Variants in ANK1 observed in about 807,000 individuals in gnomAD.
ANK1 encodes ankyrin-1.
ANK1 carries 51 observed loss-of-function variants against 210.4 expected under a neutral mutation model. The ratio of observed to expected loss-of-function variants is 0.24; its 90% CI spans 0.19 to 0.31. The LOEUF (loss-of-function observed/expected upper bound fraction) is 0.31. Ranked by LOEUF, ANK1 falls within the 10% of genes least tolerant of loss-of-function variation. The probability of loss-of-function intolerance (pLI) is 1.00; values close to 1 mark genes in which losing one functional copy is unlikely to be tolerated. For missense variants in ANK1, 2,051 were observed against 2,504.4 expected (o/e 0.82, Z 3.86); for synonymous variants, 967 against 1,025.9 (o/e 0.94, Z 1.10).
rs532328318 is a variant in ANK1 at position 41,885,236 on chromosome 8, T to C, written c.126+11119A>G. Reference sequence around the variant, plus strand: ...GGTGATGGTGCTCGGTACAGAATCATAAAGTTTTTCCGTCTGTGTCTTGTA... The same window carrying C: ...GGTGATGGTGCTCGGTACAGAATCACAAAGTTTTTCCGTCTGTGTCTTGTA... On this transcript the variant is annotated intron_variant, in intron 1 of 42. Coordinates refer to the ANK1 transcript ENST00000265709. Among the ~76,000 whole-genome samples, 107 of 152,242 alleles carry C rather than the reference T, an allele frequency of 7.0e-4. 4 individuals are homozygous for C. The highest frequency in any genetic ancestry group is 4.4e-3 in the South Asian group (21 of 4,812).
chr8:41,868,125 C>T (rs925281925), intron 1 of ANK1, among the ~76,000 whole-genome samples: 1 of 152,238 alleles, frequency 6.6e-6, no homozygotes, highest in South Asian at 2.1e-4. Flanking sequence ...TCCCGAAGTG[C>T]TGGAATTACA....
chr8:41,896,260 C>T, intron 1 of ANK1: 1 of 1,414,074 alleles, frequency 7.1e-7, no homozygotes, highest in Non-Finnish European at 9.2e-7. Context: ...CACCGGGCGC[C>T]GCGCCCCACC....
Position 41,699,525 on chromosome 8 carries a change from C to G in ANK1, c.2485G>C (p.Ala829Pro). ...DEGEELISFKAERRDSRDVDE... is the reference protein window; with the variant it reads ...DEGEELISFKPERRDSRDVDE... ...ACATCCCTGGAATCCCGCCTCTCAGCCTTGAAGCTGATGAGTTCTTCCCCT... is the reference window on the plus strand; with the variant it reads ...ACATCCCTGGAATCCCGCCTCTCAGGCTTGAAGCTGATGAGTTCTTCCCCT... Residue 829 changes from alanine to proline, a missense_variant, in exon 23 of 43, where the codon GCT becomes CCT. Transcript: ENST00000289734. 2 of 1,614,166 alleles carry G rather than the reference C, an allele frequency of 1.2e-6. No individual in the cohort carries two copies. The highest frequency in any genetic ancestry group is 8.5e-7 in the Non-Finnish European group (1 of 1,180,034).
chr8:41,767,266 A>AGCCCCGGCCCCG (rs1254312996), intron 1 of ANK1, among the ~76,000 whole-genome samples: 1 of 151,582 alleles, frequency 6.6e-6, no homozygotes, highest in Non-Finnish European at 1.5e-5. Context: ...ACGGACGCAG[A>AGCCCCGGCCCCG]GCCCCGGCCC....
intron 1 of ANK1, among the ~76,000 whole-genome samples, chr8:41,882,230 G>A (rs1413364302): frequency 6.6e-6 from 1 of 152,106 alleles, no homozygotes; most frequent in African/African-American, 2.4e-5. Flanking sequence ...CGCCTGGTGA[G>A]CCACTGAGCT....
intron 37 of ANK1, 98 bp from the exon 38 acceptor site, chr8:41,673,010 G>T: frequency 7.7e-7 from 1 of 1,294,198 alleles, no homozygotes; most frequent in Non-Finnish European, 1.1e-6. Context: ...ACACATGCGG[G>T]TGCGGCCACA....
chr8:41,875,115 C>T (rs965569915), intron 1 of ANK1, among the ~76,000 whole-genome samples: 31 of 152,292 alleles, frequency 2.0e-4, no homozygotes, highest in South Asian at 6.2e-4. Flanking sequence ...ACGGGATGAC[C>T]GGGTTCCCCT....
chr8:41,664,662 A>G, intron 39 of ANK1: 1 of 810,160 alleles, frequency 1.2e-6, no homozygotes, highest in Non-Finnish European at 2.0e-6. Context: ...CCCAGGGTGG[A>G]ACATGATCCC....
chr8:41,787,802 C>T (rs1056967488), intron 1 of ANK1, among the ~76,000 whole-genome samples: 97 of 151,578 alleles, frequency 6.4e-4, no homozygotes, highest in African/African-American at 2.2e-3. Context: ...ACAGTAAGAC[C>T]CTGTCTCAAA....
chr8:41,862,565 C>A (rs566504560), intron 1 of ANK1, among the ~76,000 whole-genome samples: 1 of 150,556 alleles, frequency 6.6e-6, no homozygotes, highest in Admixed American at 6.7e-5. Flanking sequence ...TTTTTGCAAG[C>A]CAAAAGGCTG....
chr8:41,729,652 C>T (rs1253678655), intron 3 of ANK1, among the ~76,000 whole-genome samples: 1 of 152,242 alleles, frequency 6.6e-6, no homozygotes, highest in Non-Finnish European at 1.5e-5. Context: ...CAGGCATGGG[C>T]CTGAGAACAT....
intron 31 of ANK1, among the ~76,000 whole-genome samples, chr8:41,691,077 C>A (rs55832342): frequency 6.6e-6 from 1 of 151,784 alleles, no homozygotes. Flanking sequence ...TTTAAAAAAA[C>A]TAGCCAGGTG....
chr8:41,841,695 G>C (rs1180735190), intron 1 of ANK1, among the ~76,000 whole-genome samples: 1 of 152,108 alleles, frequency 6.6e-6, no homozygotes, highest in Admixed American at 6.5e-5. Context: ...ATACACACAG[G>C]GGTTTTTTTT....
intron 1 of ANK1, among the ~76,000 whole-genome samples, chr8:41,792,855 G>A (rs1341904782): frequency 2.0e-5 from 3 of 152,208 alleles, no homozygotes; most frequent in South Asian, 2.1e-4. Flanking sequence ...CATCAACCAC[G>A]AGGTGTTCTG....
In ANK1 at chr8:41,758,074, G is replaced by A. The variant is rs1357749761; in HGVS notation, c.91C>T (p.His31Tyr). The change falls in exon 2 of 43, where the codon CAC becomes TAC. Residue 31 changes from histidine to tyrosine, a missense_variant. Around this residue, in one of 6 missense-constraint regions of ANK1, gnomAD observed 72 missense variants for 133.5 expected, o/e 0.54. Transcript: ENST00000289734. ...RSGNLDKALD[H>Y]LRNGVDINTC... Reference sequence around the variant, plus strand: ...TTAATATCTACCCCATTCCGCAGGTGATCCAAAGCTTTGTCCAAGTTACCT... The same window carrying A: ...TTAATATCTACCCCATTCCGCAGGTAATCCAAAGCTTTGTCCAAGTTACCT... 1.2e-6 allele frequency: 2 copies of A among 1,614,056 alleles called. No individual in the cohort carries two copies. The highest frequency in any genetic ancestry group is 1.3e-5 in the African/African-American group (1 of 74,936).
chr8:41,728,115 A>G lies in ANK1; in HGVS notation c.229-109T>C, dbSNP rs536518918. ...CTTGAGGGACCCGGGGGCTTTCTTC[A>G]TGGCCAAAAGGGGTAGAAAGGACAC... On this transcript the variant is annotated intron_variant, in intron 3 of 42. Coordinates refer to ENST00000289734, the MANE Select transcript of ANK1 (RefSeq NM_000037.4). The G allele has an allele frequency of 4.8e-5, 49 of 1,011,222 alleles. No homozygotes were observed. In the East Asian group the frequency reaches 1.2e-3, roughly 24 times the overall value. 62.6% of individuals were successfully genotyped at this position (1,011,222 alleles called of 1,614,324 possible). A position where few individuals can be genotyped will look rare whatever the true frequency, so the allele number is the denominator to read the frequency against.
intron 1 of ANK1, among the ~76,000 whole-genome samples, chr8:41,871,699 G>A (rs1363765867): frequency 6.6e-6 from 1 of 152,206 alleles, no homozygotes; most frequent in Non-Finnish European, 1.5e-5. Context: ...CTCCATGAGA[G>A]GGAGACAATA....
At chr8:41,732,294 TA>T (rs1381812633) in intron 3 of ANK1, among the ~76,000 whole-genome samples, 7 of 151,902 alleles carry the variant, frequency 4.6e-5, no homozygotes, top group African/African-American at 7.3e-5. Flanking sequence ...AATAAGAGGC[TA>T]GGGGGAAAGA....
chr8:41,843,365 C>T (rs1323451486), intron 1 of ANK1, among the ~76,000 whole-genome samples: 1 of 152,170 alleles, frequency 6.6e-6, no homozygotes, highest in African/African-American at 2.4e-5. Context: ...TTACTGTGCA[C>T]TTGTACCCTT....
Sources: allele counts gnomAD v4.1 joint callset (sites outside exome capture counted in the v4.1 genomes callset), GRCh38; gene constraint gnomAD v4.1.1; regional missense constraint gnomAD v4.1.1; transcripts MANE v1.5; gene names NCBI Gene and HGNC (gene_info 2026-07-23, HGNC 2026-07-21).